TRIOBP: variants seen among roughly 807,000 people sequenced by gnomAD.
The protein encoded by TRIOBP is TRIO and F-actin binding protein, also known as TRIO and F-actin-binding protein.
TRIOBP carries 169 observed loss-of-function variants against 238.8 expected under a neutral mutation model. That is an observed-to-expected ratio of 0.71 (90% CI 0.62 to 0.80). The LOEUF is 0.80. Among genes scored for constraint, TRIOBP ranks in the 30% least tolerant of loss-of-function variants. The pLI is 0.00. For synonymous variants in TRIOBP, 1,150 were observed against 1,274.4 expected (o/e 0.90, Z 2.08); for missense variants, 2,838 against 3,122.6 (o/e 0.91, Z 2.17).
At chr22:37,743,802 T>G (rs1316384969) in intron 11 of TRIOBP, among the ~76,000 whole-genome samples, 2 of 8,360 alleles carry the variant, frequency 2.4e-4, no homozygotes, top group African/African-American at 7.7e-4. Flanking sequence ...AGAGAGAGAA[T>G]GTGTGTGTGT....
intron 4 of TRIOBP, 68 bp downstream of exon 4, chr22:37,710,634 C>G: frequency 5.2e-6 from 8 of 1,547,872 alleles, no homozygotes; most frequent in Non-Finnish European, 7.0e-6. Flanking sequence ...CCCATTTGCA[C>G]TCCTTCCCCA....
chr22:37,762,737 G>A (rs1458791207), intron 17 of TRIOBP, among the ~76,000 whole-genome samples: 3 of 152,164 alleles, frequency 2.0e-5, no homozygotes, highest in African/African-American at 7.2e-5. Flanking sequence ...CATCTGTATC[G>A]CCCTCAGGCA....
chr22:37,713,113 G>A (rs1228491089), intron 4 of TRIOBP, 97 bp from the exon 5 acceptor site: 4 of 1,136,354 alleles, frequency 3.5e-6, no homozygotes, highest in Non-Finnish European at 5.0e-6. Context: ...CCAGCGTGTG[G>A]GCCCCAGGCT....
intron 3 of TRIOBP, among the ~76,000 whole-genome samples, chr22:37,702,208 C>CT (rs1439830460): frequency 4.0e-5 from 6 of 151,686 alleles, no homozygotes; most frequent in East Asian, 1.9e-4. Context: ...TTTTCTTTTT[C>CT]TTTTTTTTGA....
chr22:37,699,962 T>A (rs1922561030), intron 2 of TRIOBP, among the ~76,000 whole-genome samples: 1 of 152,144 alleles, frequency 6.6e-6, no homozygotes, highest in South Asian at 2.1e-4. Flanking sequence ...CACTGCTACC[T>A]CTGCCTCCCA....
intron 2 of TRIOBP, among the ~76,000 whole-genome samples, chr22:37,697,995 C>T (rs1922437082): frequency 1.3e-5 from 2 of 151,506 alleles, no homozygotes; most frequent in South Asian, 4.2e-4. Context: ...GTCAGGAGTT[C>T]GAGACCAGCC....
At chr22:37,746,348 G>A in intron 11 of TRIOBP, 1 of 1,181,236 alleles carries the variant, frequency 8.5e-7, no homozygotes, top group Middle Eastern at 3.4e-4. Context: ...TTCCCGCGCC[G>A]CGGAGCCCGG....
intron 7 of TRIOBP, among the ~76,000 whole-genome samples, chr22:37,731,439 G>A (rs1476249174): frequency 7.1e-6 from 1 of 141,378 alleles, no homozygotes; most frequent in Non-Finnish European, 1.5e-5. Context: ...ACTGTACCTG[G>A]CCTCCCAACC....
intron 3 of TRIOBP, among the ~76,000 whole-genome samples, chr22:37,703,899 A>G (rs954308866): frequency 1.7e-4 from 26 of 152,182 alleles, no homozygotes; most frequent in Non-Finnish European, 1.3e-4. Context: ...TCTTTCATGC[A>G]AATGACTTTC....
intron 5 of TRIOBP, among the ~76,000 whole-genome samples, chr22:37,713,956 C>T (rs937009226): frequency 6.6e-6 from 1 of 152,000 alleles, no homozygotes; most frequent in African/African-American, 2.4e-5. Context: ...GGAGACCCCC[C>T]AAAAGGAAAA....
chr22:37,699,546 A>C (rs1296054744), intron 2 of TRIOBP, among the ~76,000 whole-genome samples: 1 of 150,906 alleles, frequency 6.6e-6, no homozygotes, highest in Non-Finnish European at 1.5e-5. Context: ...CTGGGGAATC[A>C]CTTTTTTTTT....
At chr22:37,759,882 A>G (rs1926153925) in intron 17 of TRIOBP, 1 of 547,988 alleles carries the variant, frequency 1.8e-6, no homozygotes, top group African/African-American at 2.0e-5. Context: ...ATATAAGTTT[A>G]TTATAAATTT....
chr22:37,698,057 G>A (rs1172593899), intron 2 of TRIOBP, among the ~76,000 whole-genome samples: 1 of 151,670 alleles, frequency 6.6e-6, no homozygotes, highest in East Asian at 2.0e-4. Flanking sequence ...AAAATTATCC[G>A]GGCATGGTGG....
At chr22:37,727,043 A>G (rs1230611974) in intron 7 of TRIOBP, among the ~76,000 whole-genome samples, 1 of 151,494 alleles carries the variant, frequency 6.6e-6, no homozygotes, top group African/African-American at 2.4e-5. Flanking sequence ...AGTAGCTGGG[A>G]TTACAGGCAC....
rs1372374537 is a variant in TRIOBP at position 37,724,215 on chromosome 22, T to C, written c.1659T>C (p.Cys553=). ...RAARDNPTTS[C]AQRDNPRASR... ...CACGAGACAACCCCACAACATCCTG[T>C]GCCCAGCGGGACAATCCCAGAGCCT... The change falls in exon 7 of 24, where the codon TGT becomes TGC. Residue 553 remains cysteine, a synonymous_variant. Coordinates refer to ENST00000644935, the MANE Select transcript of TRIOBP (RefSeq NM_001039141.3). The C allele has an allele frequency of 1.3e-6, 2 of 1,583,252 alleles. No individual in the cohort carries two copies. The highest frequency in any genetic ancestry group is 1.7e-5 in the African/African-American group (1 of 60,418).
In TRIOBP at chr22:37,734,890, C is replaced by A; in HGVS notation, c.4554C>A (p.Asn1518Lys). 6.2e-7 allele frequency: 1 copy of A among 1,613,236 alleles called. No individual in the cohort carries two copies. Among genetic ancestry groups the A allele is most frequent in the Non-Finnish European group, 8.5e-7 (1 of 1,180,014 alleles). ...GCCCACTCACGAGCCCCCCTGAGAA[C>A]TGGGGAGGCCCCGCAGAGTCCTCAC... The part of the protein sequence containing the change: ...KRSPLTSPPE[N>K]WGGPAESSQS... The change falls in exon 9 of 24, where the codon AAC becomes AAA. Residue 1518 changes from asparagine to lysine, a missense_variant. By Grantham distance (94) the Asn-to-Lys change is moderately conservative. Around this residue, in one of 5 missense-constraint regions of TRIOBP, gnomAD observed 2,096 missense variants for 2,137.4 expected, o/e 0.98. Transcript: ENST00000644935.
rs772412097 is a variant in TRIOBP, at chr22:37,734,771, G to C, written c.4435G>C (p.Gly1479Arg). 4 of 1,612,170 alleles carry C rather than the reference G, an allele frequency of 2.5e-6. No individual in the cohort carries two copies. Among genetic ancestry groups the C allele is most frequent in the Non-Finnish European group, 3.4e-6 (4 of 1,179,718 alleles). The part of the protein sequence containing the change: ...AAKAPEGAWG[G>R]TSREYKESWG... ...CAAAGCCCCGGAGGGAGCATGGGGG[G>C]GCACTTCCAGGGAGTACAAGGAGAG... Residue 1479 changes from glycine (G) to arginine (R), a missense_variant, in exon 9 of 24, where the codon GGC becomes CGC. Gly to Arg is a moderately radical substitution (Grantham distance 125). Coordinates refer to ENST00000644935, the MANE Select transcript of TRIOBP (RefSeq NM_001039141.3).
At chr22:37,727,145 G>A (rs1381325208) in intron 7 of TRIOBP, among the ~76,000 whole-genome samples, 1 of 151,336 alleles carries the variant, frequency 6.6e-6, no homozygotes, top group Admixed American at 6.6e-5. Context: ...CTGACCTCAA[G>A]TGATCCACCC....
At chr22:37,741,155 C>T (rs762317590) in intron 11 of TRIOBP, 123 bp downstream of exon 11, 83 of 1,323,282 alleles carry the variant, frequency 6.3e-5, no homozygotes, top group East Asian at 1.0e-4. Flanking sequence ...CTAGGGCCGT[C>T]GCATGACAGG....
Sources: gnomAD v4.1 joint callset for allele counts (sites outside exome capture counted in the v4.1 genomes callset) on GRCh38, gnomAD v4.1.1 for gene constraint, gnomAD v4.1.1 regional missense constraint, MANE v1.5 for transcripts, NCBI Gene and HGNC (gene_info 2026-07-23, HGNC 2026-07-21) for gene names.